The following OR6S1 variants were observed in gnomAD, a reference collection of about 807,000 sequenced individuals.
OR6S1 encodes olfactory receptor family 6 subfamily S member 1.
For missense variants in OR6S1, 443 were observed against 401.7 expected (o/e 1.10, Z -0.88); for synonymous variants, 182 against 166.0 (o/e 1.10, Z -0.74).
In OR6S1 at chr14:20,641,109, T is replaced by C; in HGVS notation, c.583A>G (p.Thr195Ala). 6.2e-7 allele frequency: 1 copy of C among 1,614,104 alleles called. No individual in the cohort carries two copies. The highest frequency in any genetic ancestry group is 8.5e-7 in the Non-Finnish European group (1 of 1,179,982). Residue 195 changes from threonine (T) to alanine (A), a missense_variant, in exon 1 of 1, where the codon ACC becomes GCC. Physicochemically the swap from Thr to Ala is moderately conservative, Grantham distance 58. Transcript: ENST00000320704. ...GPLLRLACTNTKKLEETDFVL... is the reference protein window; with the variant it reads ...GPLLRLACTNAKKLEETDFVL... The stretch of plus-strand genomic sequence containing the variant: ...AAGTCAGTCTCCTCCAGCTTCTTGG[T>C]GTTGGTGCAAGCCAGGCGGAGCAGT...
Position 20,641,426 on chromosome 14 carries a change from G to A in OR6S1, c.266C>T (p.Ser89Leu). The A allele has an allele frequency of 6.2e-7, 1 of 1,614,146 alleles. No homozygotes were observed. Among genetic ancestry groups the A allele is most frequent in the Non-Finnish European group, 8.5e-7 (1 of 1,179,996 alleles). Reference sequence around the variant, plus strand: ...AGCAAAGGAAATAGTGTGTTGCCTTGAGAGGAAATTGCTCAGCATCTTTGG... The same window carrying A: ...AGCAAAGGAAATAGTGTGTTGCCTTAAGAGGAAATTGCTCAGCATCTTTGG... ...IIPKMLSNFL[S>L]RQHTISFAAC... The change falls in exon 1 of 1, where the codon TCA (serine) becomes TTA (leucine). Residue 89 changes from serine (S) to leucine (L), a missense_variant. Coordinates refer to ENST00000320704, the MANE Select transcript of OR6S1 (RefSeq NM_001001968.1).
Position 20,640,792 on chromosome 14 carries a change from G to A in OR6S1, c.900C>T (p.Val300=). 6.2e-7 allele frequency: 1 copy of A among 1,613,662 alleles called. No individual in the cohort carries two copies. The highest frequency in any genetic ancestry group is 1.1e-5 in the South Asian group (1 of 91,046). The change falls in exon 1 of 1, where the codon GTC becomes GTT. Residue 300 remains valine, a synonymous_variant. Transcript: ENST00000320704. Reference sequence around the variant, plus strand: ...TAAACATGTCCTTCAAAGCTTCCTTGACTTGCTCATTACGTAAGGCATAGA... The same window carrying A: ...TAAACATGTCCTTCAAAGCTTCCTTAACTTGCTCATTACGTAAGGCATAGA... The part of the protein sequence containing the change: ...PFIYALRNEQ[V]KEALKDMFRK...
In OR6S1 at chr14:20,640,869, A is replaced by G; in HGVS notation, c.823T>C (p.Trp275Arg). The change falls in exon 1 of 1, where the codon TGG (tryptophan) becomes CGG (arginine). Residue 275 changes from tryptophan to arginine, a missense_variant. Coordinates refer to ENST00000320704, the MANE Select transcript of OR6S1 (RefSeq NM_001001968.1). ...AATGTCGTTATTACTGTCACTGCCCAGTTAGTGTCCACAGAACCACTCTGC... is the reference window on the plus strand; with the variant it reads ...AATGTCGTTATTACTGTCACTGCCCGGTTAGTGTCCACAGAACCACTCTGC... ...PSQSGSVDTNWAVTVITTFVT... is the reference protein window; with the variant it reads ...PSQSGSVDTNRAVTVITTFVT... The G allele has an allele frequency of 6.2e-7, 1 of 1,614,108 alleles. No homozygotes were observed. The highest frequency in any genetic ancestry group is 8.5e-7 in the Non-Finnish European group (1 of 1,180,006).
rs773558807 is a variant in OR6S1 at position 20,641,670 on chromosome 14, T to C, written c.22A>G (p.Ser8Gly). 1.2e-6 allele frequency: 2 copies of C among 1,605,372 alleles called. No individual in the cohort carries two copies. The highest frequency in any genetic ancestry group is 3.4e-5 in the Admixed American group (2 of 59,504). Residue 8 changes from serine to glycine, a missense_variant, in exon 1 of 1, where the codon AGT (serine) becomes GGT (glycine). Physicochemically the swap from Ser to Gly is moderately conservative, Grantham distance 56. Coordinates refer to ENST00000320704, the MANE Select transcript of OR6S1 (RefSeq NM_001001968.1). MSPDGNH[S>G]SDPTEFVLAG... is the part of the protein sequence containing the mutation. ...AGGACGAACTCTGTTGGATCACTACTGTGGTTCCCATCAGGACTCATTGTC... is the reference window on the plus strand; with the variant it reads ...AGGACGAACTCTGTTGGATCACTACCGTGGTTCCCATCAGGACTCATTGTC...
Position 20,641,163 on chromosome 14 carries a change from C to A in OR6S1, c.529G>T (p.Val177Leu). The change falls in exon 1 of 1, where the codon GTA becomes TTA. Residue 177 changes from valine (V) to leucine (L), a missense_variant. Coordinates refer to ENST00000320704, the MANE Select transcript of OR6S1 (RefSeq NM_001001968.1). ...LLPFCKQGAVVQHFFCDSGPL... is the reference protein window; with the variant it reads ...LLPFCKQGAVLQHFFCDSGPL... The stretch of plus-strand genomic sequence containing the variant: ...CCACTGTCGCAGAAGAAGTGCTGTA[C>A]CACAGCACCCTGCTTACAGAAAGGA... 1 of 1,613,822 alleles carries A rather than the reference C, an allele frequency of 6.2e-7. No homozygotes were observed. The highest frequency in any genetic ancestry group is 8.5e-7 in the Non-Finnish European group (1 of 1,179,748).
In OR6S1 at chr14:20,641,324, T is replaced by C. The variant is rs753097866; in HGVS notation, c.368A>G (p.Asp123Gly). ...AGGATGACAGATGGCCAGGTAGCGA[T>C]CCGCAGACATGACAGCCAACAGTAA... ...EFLLLAVMSA[D>G]RYLAICHPLR... Residue 123 changes from aspartate (D) to glycine (G), a missense_variant, in exon 1 of 1, where the codon GAT (aspartate) becomes GGT (glycine). By Grantham distance (94) the Asp-to-Gly change is moderately conservative (BLOSUM62 -1). Coordinates refer to ENST00000320704, the MANE Select transcript of OR6S1 (RefSeq NM_001001968.1). The C allele has an allele frequency of 4.3e-6, 7 of 1,613,818 alleles. No individual in the cohort carries two copies. Among genetic ancestry groups the C allele is most frequent in the Non-Finnish European group, 5.9e-6 (7 of 1,179,974 alleles).
At position 20,641,680 on chromosome 14, in the gene OR6S1, A is replaced by T; in HGVS notation, c.12T>A (p.Asp4Glu). The T allele has an allele frequency of 6.3e-7, 1 of 1,594,242 alleles. No individual in the cohort carries two copies. The highest frequency in any genetic ancestry group is 8.5e-7 in the Non-Finnish European group (1 of 1,170,316). MSP[D>E]GNHSSDPTEF... is the part of the protein sequence containing the mutation. ...CTGTTGGATCACTACTGTGGTTCCC[A>T]TCAGGACTCATTGTCTTTTTCACCT... is the stretch of plus-strand genomic sequence containing the variant. Residue 4 changes from aspartate (D) to glutamate (E), a missense_variant, in exon 1 of 1, where the codon GAT becomes GAA. Coordinates refer to ENST00000320704, the MANE Select transcript of OR6S1 (RefSeq NM_001001968.1).
rs747620293 is a variant in OR6S1, at chr14:20,641,561, T to C, written c.131A>G (p.Asn44Ser). Residue 44 changes from asparagine to serine, a missense_variant, in exon 1 of 1, where the codon AAT (asparagine) becomes AGT (serine). Transcript: ENST00000320704. ...LLVYLLNLTGNVLIVGVVRAD... is the reference protein window; with the variant it reads ...LLVYLLNLTGSVLIVGVVRAD... Reference sequence around the variant, plus strand: ...CCTTACCACCCCCACAATCAACACATTGCCTGTCAGATTCAGGAGATAGAC... The same window carrying C: ...CCTTACCACCCCCACAATCAACACACTGCCTGTCAGATTCAGGAGATAGAC... 1.7e-5 allele frequency: 28 copies of C among 1,613,724 alleles called. No individual in the cohort carries two copies. The highest frequency in any genetic ancestry group is 3.3e-4 in the Middle Eastern group (2 of 6,082).
In OR6S1 at chr14:20,641,524, T is replaced by A; in HGVS notation, c.168A>T (p.Arg56=). Residue 56 remains arginine, a synonymous_variant, in exon 1 of 1, where the codon CGA becomes CGT. Coordinates refer to ENST00000320704, the MANE Select transcript of OR6S1 (RefSeq NM_001001968.1). ...LIVGVVRADT[R]LQTPMYFFLG... is the part of the protein sequence containing the mutation. ...GAAAGAAGTACATAGGGGTCTGTAGTCGAGTATCAGCCCTTACCACCCCCA... is the reference window on the plus strand; with the variant it reads ...GAAAGAAGTACATAGGGGTCTGTAGACGAGTATCAGCCCTTACCACCCCCA... 2 of 1,613,904 alleles carry A rather than the reference T, an allele frequency of 1.2e-6. No individual in the cohort carries two copies. Among genetic ancestry groups the A allele is most frequent in the Non-Finnish European group, 1.7e-6 (2 of 1,179,776 alleles).
rs572970311 is a variant in OR6S1 at position 20,641,598 on chromosome 14, C to A, written c.94G>T (p.Val32Leu). 8.2e-5 allele frequency: 132 copies of A among 1,613,902 alleles called. No individual in the cohort carries two copies. The Middle Eastern group carries it at 1.2e-3, about 14-fold the overall frequency. Residue 32 changes from valine to leucine, a missense_variant, in exon 1 of 1, where the codon GTG becomes TTG. By Grantham distance (32) the Val-to-Leu change is conservative (BLOSUM62 1). Transcript: ENST00000320704. Reference sequence around the variant, plus strand: ...TTCAGGAGATAGACAAGAAGAAACACAGAAAATAATTCCACTCTTGCGCTG... The same window carrying A: ...TTCAGGAGATAGACAAGAAGAAACAAAGAAAATAATTCCACTCTTGCGCTG... ...LNSARVELFSVFLLVYLLNLT... is the reference protein window; with the variant it reads ...LNSARVELFSLFLLVYLLNLT...
rs772422295 is a variant in OR6S1 at position 20,640,795 on chromosome 14, T to A, written c.897A>T (p.Gln299His). 2 of 1,614,142 alleles carry A rather than the reference T, an allele frequency of 1.2e-6. No individual in the cohort carries two copies. Among genetic ancestry groups the A allele is most frequent in the Non-Finnish European group, 1.7e-6 (2 of 1,179,996 alleles). ...NPFIYALRNE[Q>H]VKEALKDMFR... ...ACATGTCCTTCAAAGCTTCCTTGAC[T>A]TGCTCATTACGTAAGGCATAGATGA... The change falls in exon 1 of 1, where the codon CAA (glutamine) becomes CAT (histidine). Residue 299 changes from glutamine to histidine, a missense_variant. Physicochemically the swap from Gln to His is conservative, Grantham distance 24. Coordinates refer to ENST00000320704, the MANE Select transcript of OR6S1 (RefSeq NM_001001968.1).
At position 20,640,811 on chromosome 14, in the gene OR6S1, G is replaced by A. The variant is rs765685226; in HGVS notation, c.881C>T (p.Ala294Val). ...TTCCTTGACTTGCTCATTACGTAAG[G>A]CATAGATGAATGGATTCAACAGTGG... ...VTPLLNPFIY[A>V]LRNEQVKEAL... Residue 294 changes from alanine to valine, a missense_variant, in exon 1 of 1, where the codon GCC (alanine) becomes GTC (valine). Coordinates refer to ENST00000320704, the MANE Select transcript of OR6S1 (RefSeq NM_001001968.1). The A allele has an allele frequency of 1.1e-5, 18 of 1,613,894 alleles. No homozygotes were observed. Among genetic ancestry groups the A allele is most frequent in the Non-Finnish European group, 1.4e-5 (16 of 1,180,000 alleles).
rs1566581437 is a variant in OR6S1, at chr14:20,641,028, CGTAGGACACAGCAGTGATCAGCAAGGA to C, written c.637_663del (p.Ser213_Tyr221del). The stretch of plus-strand genomic sequence containing the variant: ...CTCAGGACTGCCAGCACAATGAGGC[CGTAGGACACAGCAGTGATCAGCAAGGA>C]AGATACAATGACGAGGGAGGCCAGG... On this transcript the variant is annotated inframe_deletion, in exon 1 of 1. Transcript: ENST00000320704. 1 of 1,613,900 alleles carries C rather than the reference CGTAGGACACAGCAGTGATCAGCAAGGA, an allele frequency of 6.2e-7. No homozygotes were observed. The highest frequency in any genetic ancestry group is 1.7e-5 in the Admixed American group (1 of 60,002).
Position 20,641,467 on chromosome 14 carries a change from G to A in OR6S1, c.225C>T (p.Leu75=), listed in dbSNP as rs1424011244. ...GCATCTTTGGAATGATGACAGAAGT[G>A]AGCAGTATCTCTAGGCAGGACAGGT... The part of the protein sequence containing the change: ...LGNLSCLEIL[L]TSVIIPKMLS... Residue 75 remains leucine (L), a synonymous_variant, in exon 1 of 1, where the codon CTC becomes CTT. Coordinates refer to ENST00000320704, the MANE Select transcript of OR6S1 (RefSeq NM_001001968.1). 3 of 1,614,022 alleles carry A rather than the reference G, an allele frequency of 1.9e-6. No individual in the cohort carries two copies. Among genetic ancestry groups the A allele is most frequent in the East Asian group, 4.5e-5 (2 of 44,904 alleles).
Position 20,640,817 on chromosome 14 carries a change from A to G in OR6S1, c.875T>C (p.Ile292Thr). 1.2e-6 allele frequency: 2 copies of G among 1,614,170 alleles called. No homozygotes were observed. Among genetic ancestry groups the G allele is most frequent in the East Asian group, 4.5e-5 (2 of 44,884 alleles). The change falls in exon 1 of 1, where the codon ATC becomes ACC. Residue 292 changes from isoleucine to threonine, a missense_variant. Coordinates refer to ENST00000320704, the MANE Select transcript of OR6S1 (RefSeq NM_001001968.1). The stretch of plus-strand genomic sequence containing the variant: ...GACTTGCTCATTACGTAAGGCATAG[A>G]TGAATGGATTCAACAGTGGTGTCAC... ...TFVTPLLNPF[I>T]YALRNEQVKE...
In OR6S1 at chr14:20,640,857, C is replaced by A. The variant is rs566104899; in HGVS notation, c.835G>T (p.Val279Leu). 1 of 1,614,052 alleles carries A rather than the reference C, an allele frequency of 6.2e-7. No individual in the cohort carries two copies. The highest frequency in any genetic ancestry group is 1.1e-5 in the South Asian group (1 of 91,070). Residue 279 changes from valine (V) to leucine (L), a missense_variant, in exon 1 of 1, where the codon GTA (valine) becomes TTA (leucine). Coordinates refer to ENST00000320704, the MANE Select transcript of OR6S1 (RefSeq NM_001001968.1). ...AGTGGTGTCACAAATGTCGTTATTA[C>A]TGTCACTGCCCAGTTAGTGTCCACA... ...GSVDTNWAVT[V>L]ITTFVTPLLN...
chr14:20,641,042 G>C lies in OR6S1; in HGVS notation c.650C>G (p.Thr217Ser). The C allele has an allele frequency of 6.2e-7, 1 of 1,614,174 alleles. No homozygotes were observed. Among genetic ancestry groups the C allele is most frequent in the Non-Finnish European group, 8.5e-7 (1 of 1,180,006 alleles). The part of the protein sequence containing the change: ...SLVIVSSLLI[T>S]AVSYGLIVLA... ...CACAATGAGGCCGTAGGACACAGCA[G>C]TGATCAGCAAGGAAGATACAATGAC... Residue 217 changes from threonine to serine, a missense_variant, in exon 1 of 1, where the codon ACT becomes AGT. Thr to Ser is a moderately conservative substitution (Grantham distance 58). Transcript: ENST00000320704.
At position 20,640,774 on chromosome 14, in the gene OR6S1, G is replaced by A; in HGVS notation, c.918C>T (p.Asp306=). The change falls in exon 1 of 1, where the codon GAC becomes GAT. Residue 306 remains aspartate, a synonymous_variant. Coordinates refer to ENST00000320704, the MANE Select transcript of OR6S1 (RefSeq NM_001001968.1). ...CGCCTGCCACTACCTTCCTAAACAT[G>A]TCCTTCAAAGCTTCCTTGACTTGCT... ...RNEQVKEALK[D]MFRKVVAGVL... is the part of the protein sequence containing the mutation. 1.2e-6 allele frequency: 2 copies of A among 1,609,920 alleles called. No individual in the cohort carries two copies. The highest frequency in any genetic ancestry group is 1.3e-5 in the African/African-American group (1 of 74,404).
Position 20,641,580 on chromosome 14 carries a change from G to T in OR6S1, c.112C>A (p.Leu38Ile), listed in dbSNP as rs766056266. Residue 38 changes from leucine (L) to isoleucine (I), a missense_variant, in exon 1 of 1, where the codon CTC (leucine) becomes ATC (isoleucine). Leu to Ile is a conservative substitution (Grantham distance 5). Coordinates refer to ENST00000320704, the MANE Select transcript of OR6S1 (RefSeq NM_001001968.1). ...AACACATTGCCTGTCAGATTCAGGA[G>T]ATAGACAAGAAGAAACACAGAAAAT... The part of the protein sequence containing the change: ...ELFSVFLLVY[L>I]LNLTGNVLIV... 5.9e-5 allele frequency: 96 copies of T among 1,613,720 alleles called. No individual in the cohort carries two copies. The highest frequency in any genetic ancestry group is 7.6e-5 in the Non-Finnish European group (90 of 1,179,716).
Sources: gnomAD v4.1 joint callset for allele counts on GRCh38, gnomAD v4.1.1 for gene constraint, MANE v1.5 for transcripts, NCBI Gene and HGNC (gene_info 2026-07-23, HGNC 2026-07-21) for gene names.